Variants in TRIM25 observed in about 807,000 individuals in gnomAD.
TRIM25 encodes the protein E3 ubiquitin/ISG15 ligase TRIM25.
A neutral mutation model predicts 65.2 loss-of-function variants in TRIM25; 45 were observed. The ratio of observed to expected loss-of-function variants is 0.69; its 90% CI spans 0.54 to 0.89. The LOEUF is 0.89. TRIM25 is among the 40% of genes least tolerant of loss of function. The probability of loss-of-function intolerance (pLI) is 0.00; values close to 1 mark genes in which losing one functional copy is unlikely to be tolerated. For missense variants in TRIM25, 714 were observed against 803.7 expected (o/e 0.89, Z 1.35); for synonymous variants, 321 against 340.4 (o/e 0.94, Z 0.63).
At chr17:56,902,840 G>T (rs1352966241) in intron 3 of TRIM25, among the ~76,000 whole-genome samples, 1 of 152,202 alleles carries the variant, frequency 6.6e-6, no homozygotes, top group Non-Finnish European at 1.5e-5. Flanking sequence ...TGTCGTGGGG[G>T]TGGATTCCCC....
chr17:56,895,320 G>A lies in TRIM25; in HGVS notation c.1363+23C>T, dbSNP rs1567838434. On this transcript the variant is annotated intron_variant, in intron 8 of 8. Coordinates refer to ENST00000316881, the MANE Select transcript of TRIM25 (RefSeq NM_005082.5). ...GGAGAGACAGAACCAGTGGAACCGC[G>A]CACCAGCCCCGAAGCTACTCACACT... 8.1e-6 allele frequency: 13 copies of A among 1,596,530 alleles called. No individual in the cohort carries two copies. In the East Asian group the frequency reaches 1.8e-4, roughly 22 times the overall value.
chr17:56,912,610 G>C (rs868842829), intron 1 of TRIM25: 6 of 152,248 alleles, frequency 3.9e-5, no homozygotes, highest in Non-Finnish European at 8.8e-5. Context: ...TGGATACGAG[G>C]CTGGTCCATG....
At chr17:56,899,313 G>T in intron 4 of TRIM25, 133 bp from the exon 5 acceptor site, 1 of 772,518 alleles carries the variant, frequency 1.3e-6, no homozygotes, top group South Asian at 1.7e-5. Flanking sequence ...CCATCCCATC[G>T]CTTACAAGAG....
intron 5 of TRIM25, among the ~76,000 whole-genome samples, chr17:56,897,886 G>T (rs1487123688): frequency 1.3e-5 from 2 of 152,062 alleles, no homozygotes; most frequent in African/African-American, 2.4e-5. Context: ...CCAGCTAAGG[G>T]CTCCCTCCTC....
intron 4 of TRIM25, among the ~76,000 whole-genome samples, chr17:56,900,531 T>C (rs1041580897): frequency 4.0e-5 from 6 of 151,538 alleles, no homozygotes; most frequent in African/African-American, 1.5e-4. Context: ...GTCTGAGGAG[T>C]GGGAGCAGTG....
At position 56,913,138 on chromosome 17, in the gene TRIM25, C is replaced by G. The variant is rs1012155097; in HGVS notation, c.597+254G>C. 1 of 357,320 alleles carries G rather than the reference C, an allele frequency of 2.8e-6. No homozygotes were observed. Among genetic ancestry groups the G allele is most frequent in the Non-Finnish European group, 5.0e-6 (1 of 200,088 alleles). The allele number at this position is 357,320 out of a possible 1,614,324, so 22.1% of individuals were successfully genotyped here. A position where few individuals can be genotyped will look rare whatever the true frequency, so the allele number is the denominator to read the frequency against. ...TTGGGTGAGAGGGACGAGACCCTGT[C>G]TCAAAAAAATAAAAATAAACACCAT... On this transcript the variant is annotated intron_variant, in intron 1 of 8. Transcript: ENST00000316881. The surrounding 1 kb of genome is among the most constrained non-coding windows in gnomAD (Gnocchi z 6.1).
chr17:56,895,798 T>C (rs1909280895), intron 6 of TRIM25, 128 bp downstream of exon 6: 1 of 1,314,470 alleles, frequency 7.6e-7, no homozygotes, highest in Non-Finnish European at 1.0e-6. Context: ...CCTGCTGCCA[T>C]TACAGAATGG....
Position 56,891,949 on chromosome 17 carries a change from G to C in TRIM25, c.1644C>G (p.Ser548=). The change falls in exon 9 of 9, where the codon TCC becomes TCG. Residue 548 remains serine (S), a synonymous_variant. Transcript: ENST00000316881. The part of the protein sequence containing the change: ...PESRLGRNSA[S]WCVEWFNTKI... Reference sequence around the variant, plus strand: ...TGGTGTTGAACCACTCCACGCACCAGGAGGCGCTGTTGCGGCCGAGCCTGC... The same window carrying C: ...TGGTGTTGAACCACTCCACGCACCACGAGGCGCTGTTGCGGCCGAGCCTGC... 1.9e-6 allele frequency: 3 copies of C among 1,614,236 alleles called. No individual in the cohort carries two copies. Among genetic ancestry groups the C allele is most frequent in the Non-Finnish European group, 2.5e-6 (3 of 1,180,044 alleles).
intron 1 of TRIM25, chr17:56,912,256 C>T (rs1045800627): frequency 2.0e-5 from 3 of 152,332 alleles, no homozygotes; most frequent in East Asian, 1.9e-4. Context: ...TTTGAGGCCA[C>T]AAGGGGAAGG....
Position 56,913,851 on chromosome 17 carries a change from C to A in TRIM25, c.138G>T (p.Ser46=), listed in dbSNP as rs1909682212. The change falls in exon 1 of 9, where the codon TCG becomes TCT. Residue 46 remains serine, a synonymous_variant. Transcript: ENST00000316881. The surrounding 1 kb of genome is among the most constrained non-coding windows in gnomAD (Gnocchi z 6.1). The part of the protein sequence containing the change: ...CLNETWAVQG[S]PYLCPQCRAV... ...CGCGGCACTGCGGGCACAGGTATGGCGAGCCCTGGACTGCCCACGTCTCAT... is the reference window on the plus strand; with the variant it reads ...CGCGGCACTGCGGGCACAGGTATGGAGAGCCCTGGACTGCCCACGTCTCAT... The A allele has an allele frequency of 1.3e-6, 2 of 1,560,372 alleles. No homozygotes were observed. The highest frequency in any genetic ancestry group is 1.4e-5 in the African/African-American group (1 of 73,454).
At position 56,913,513 on chromosome 17, in the gene TRIM25, T is replaced by C; in HGVS notation, c.476A>G (p.Gln159Arg). 6.2e-6 allele frequency: 10 copies of C among 1,613,800 alleles called. No individual in the cohort carries two copies. The highest frequency in any genetic ancestry group is 8.5e-6 in the Non-Finnish European group (10 of 1,179,854). Residue 159 changes from glutamine (Q) to arginine (R), a missense_variant, in exon 1 of 9, where the codon CAG becomes CGG. Around this residue, in one of 3 missense-constraint regions of TRIM25, gnomAD observed 291 missense variants for 281.8 expected, o/e 1.03. Coordinates refer to ENST00000316881, the MANE Select transcript of TRIM25 (RefSeq NM_005082.5). The surrounding 1 kb of genome is among the most constrained non-coding windows in gnomAD (Gnocchi z 6.1). ...GAAAAATTCCCGCAGCCGATTGTGC[T>C]GGGAACATTTGCGGCGCAACAGGTC... is the stretch of plus-strand genomic sequence containing the variant. ...VRDLLRRKCS[Q>R]HNRLREFFCP...
chr17:56,913,971 G>C lies in TRIM25; in HGVS notation c.18C>G (p.Pro6=). The C allele has an allele frequency of 1.3e-6, 2 of 1,573,310 alleles. No individual in the cohort carries two copies. The highest frequency in any genetic ancestry group is 1.8e-4 in the Middle Eastern group (1 of 5,672). ...TGGAGCACGACAGCTCCTCGGCCAGGGGGCACAGCTCTGCCATGGCGCTCC... is the reference window on the plus strand; with the variant it reads ...TGGAGCACGACAGCTCCTCGGCCAGCGGGCACAGCTCTGCCATGGCGCTCC... MAELC[P]LAEELSCSIC... The change falls in exon 1 of 9, where the codon CCC becomes CCG. Residue 6 remains proline (P), a synonymous_variant. Coordinates refer to ENST00000316881, the MANE Select transcript of TRIM25 (RefSeq NM_005082.5). This position sits in a 1 kb window ranked among gnomAD's most constrained non-coding sequence, Gnocchi z 6.1.
chr17:56,899,077 C>CA (rs1567839612), intron 5 of TRIM25, 38 bp downstream of exon 5: 1 of 1,605,584 alleles, frequency 6.2e-7, no homozygotes, highest in East Asian at 2.2e-5. Context: ...AGGCCACAGC[C>CA]ATGCTGTTGC....
Position 56,904,420 on chromosome 17 carries a change from G to A in TRIM25, c.762C>T (p.Ala254=), listed in dbSNP as rs1408750439. 1.2e-6 allele frequency: 2 copies of A among 1,614,088 alleles called. No individual in the cohort carries two copies. Among genetic ancestry groups the A allele is most frequent in the Non-Finnish European group, 1.7e-6 (2 of 1,180,022 alleles). The change falls in exon 3 of 9, where the codon GCC becomes GCT. Residue 254 remains alanine, a synonymous_variant. Transcript: ENST00000316881. ...EYTEMKALLD[A]SETTSTRKIK... is the part of the protein sequence containing the mutation. The stretch of plus-strand genomic sequence containing the variant: ...TCTTCCTTGTCGAGGTGGTCTCTGA[G>A]GCGTCCAAGAGAGCCTTCATTTCCG...
chr17:56,913,669 C>A lies in TRIM25; in HGVS notation c.320G>T (p.Cys107Phe). The A allele has an allele frequency of 6.3e-7, 1 of 1,594,358 alleles. No individual in the cohort carries two copies. Among genetic ancestry groups the A allele is most frequent in the Non-Finnish European group, 8.6e-7 (1 of 1,169,440 alleles). Reference protein sequence around the residue: ...SAPSPNAQVACDHCLKEAAVK... With the variant: ...SAPSPNAQVAFDHCLKEAAVK... ...GGCGGCCTCCTTCAGGCAGTGGTCG[C>A]AGGCCACCTGGGCATTCGGGCTGGG... is the stretch of plus-strand genomic sequence containing the variant. The change falls in exon 1 of 9, where the codon TGC becomes TTC. Residue 107 changes from cysteine to phenylalanine, a missense_variant. Around this residue, in one of 3 missense-constraint regions of TRIM25, gnomAD observed 291 missense variants for 281.8 expected, o/e 1.03. Coordinates refer to ENST00000316881, the MANE Select transcript of TRIM25 (RefSeq NM_005082.5). The surrounding 1 kb of genome is among the most constrained non-coding windows in gnomAD (Gnocchi z 6.1).
At position 56,913,598 on chromosome 17, in the gene TRIM25, G is replaced by A. The variant is rs1247940454; in HGVS notation, c.391C>T (p.Leu131=). Residue 131 remains leucine, a synonymous_variant, in exon 1 of 9, where the codon CTG becomes TTG. Coordinates refer to ENST00000316881, the MANE Select transcript of TRIM25 (RefSeq NM_005082.5). This position sits in a 1 kb window ranked among gnomAD's most constrained non-coding sequence, Gnocchi z 6.1. The part of the protein sequence containing the change: ...VCMASFCQEH[L]QPHFDSPAFQ... ...GCGGGGCTGTCGAAGTGCGGCTGCAGGTGCTCCTGACAGAAGGAGGCCATG... is the reference window on the plus strand; with the variant it reads ...GCGGGGCTGTCGAAGTGCGGCTGCAAGTGCTCCTGACAGAAGGAGGCCATG... 4 of 1,609,746 alleles carry A rather than the reference G, an allele frequency of 2.5e-6. No individual in the cohort carries two copies. The highest frequency in any genetic ancestry group is 1.1e-5 in the South Asian group (1 of 90,548).
chr17:56,904,069 G>GT (rs1384525889), intron 3 of TRIM25, among the ~76,000 whole-genome samples, 186 bp downstream of exon 3: 6 of 152,258 alleles, frequency 3.9e-5, no homozygotes, highest in African/African-American at 1.4e-4. Context: ...ATAAATATGT[G>GT]TTTTTTGAAG....
chr17:56,893,641 G>A (rs886308004), intron 8 of TRIM25, among the ~76,000 whole-genome samples: 23 of 152,354 alleles, frequency 1.5e-4, no homozygotes, highest in Admixed American at 6.5e-4. Context: ...AGTGTTGCAC[G>A]TGGGTGCAGA....
intron 8 of TRIM25, among the ~76,000 whole-genome samples, chr17:56,892,704 C>T (rs1439364381): frequency 6.6e-6 from 1 of 152,208 alleles, no homozygotes; most frequent in Non-Finnish European, 1.5e-5. Context: ...CATCTATCAT[C>T]TATCAGTCAT....
Sources: allele counts gnomAD v4.1 joint callset (sites outside exome capture counted in the v4.1 genomes callset), GRCh38; gene constraint gnomAD v4.1.1; regional missense constraint gnomAD v4.1.1; non-coding constraint Gnocchi (gnomAD v3.1); transcripts MANE v1.5; gene names NCBI Gene and HGNC (gene_info 2026-07-23, HGNC 2026-07-21).